The following FER1L5 variants were observed in gnomAD, a reference collection of about 807,000 sequenced individuals.
The protein encoded by FER1L5 is fer-1 like family member 5.
A neutral mutation model predicts 279.9 loss-of-function variants in FER1L5; 187 were observed. The observed-to-expected ratio is 0.67, with a 90% CI of 0.59 to 0.75. FER1L5 has a LOEUF of 0.75. Ranked by LOEUF, FER1L5 falls within the 30% of genes least tolerant of loss-of-function variation. The pLI is 0.00. For missense variants in FER1L5, 2,091 were observed against 2,594.4 expected (o/e 0.81, Z 4.21); for synonymous variants, 921 against 989.7 (o/e 0.93, Z 1.30).
intron 19 of FER1L5, 28 bp from the exon 20 acceptor site, chr2:96,684,299 C>T (rs1273770717): frequency 6.5e-7 from 1 of 1,546,078 alleles, no homozygotes; most frequent in Non-Finnish European, 8.8e-7. Context: ...CCAGACACCC[C>T]ATCCCTCCAT....
At position 96,689,284 on chromosome 2, in the gene FER1L5, T is replaced by C. The variant is rs923456064; in HGVS notation, c.2433T>C (p.Asp811=). The C allele has an allele frequency of 7.1e-6, 11 of 1,550,312 alleles. No individual in the cohort carries two copies. The African/African-American group carries it at 1.5e-4, about 21-fold the overall frequency. The change falls in exon 25 of 53, where the codon GAT becomes GAC. Residue 811 remains aspartate (D), a synonymous_variant. Coordinates refer to ENST00000624922, the MANE Select transcript of FER1L5 (RefSeq NM_001293083.2). This position sits in a 1 kb window ranked among gnomAD's most constrained non-coding sequence, Gnocchi z 4.6. ...QGLYHCPNFS[D]VMGNKTLPMT... is the part of the protein sequence containing the mutation. ...TGTATCACTGCCCCAACTTCTCGGA[T>C]GTCATGGGGAACAAGACCCTCCCCA...
At chr2:96,649,116 C>T (rs1187321990) in intron 4 of FER1L5, among the ~76,000 whole-genome samples, 5 of 152,232 alleles carry the variant, frequency 3.3e-5, no homozygotes, top group East Asian at 1.9e-4. Context: ...TTGTGGTCCA[C>T]GCTGGTGAAT....
intron 24 of FER1L5, 63 bp downstream of exon 24, chr2:96,688,010 CG>C: frequency 6.5e-7 from 1 of 1,537,604 alleles, no homozygotes; most frequent in African/African-American, 1.4e-5. Context: ...AGGGTGGCCT[CG>C]TAGGGAAGAG....
At chr2:96,670,016 G>T in intron 17 of FER1L5, 103 bp from the exon 18 acceptor site, 1 of 1,459,028 alleles carries the variant, frequency 6.9e-7, no homozygotes, top group Non-Finnish European at 9.3e-7. Context: ...CCCCGGGCAG[G>T]CAGTGACTGG....
chr2:96,647,181 C>A (rs765607780), intron 3 of FER1L5, 26 bp downstream of exon 3: 3 of 1,548,190 alleles, frequency 1.9e-6, no homozygotes, highest in Non-Finnish European at 1.7e-6. Flanking sequence ...GCAGGAGGAG[C>A]CTAGCTCCTG....
In FER1L5 at chr2:96,694,256, C is replaced by G. The variant is rs557990722; in HGVS notation, c.3637-104C>G. 2.3e-6 allele frequency: 3 copies of G among 1,312,504 alleles called. No homozygotes were observed. The East Asian group carries it at 7.6e-5, about 33-fold the overall frequency. The allele number at this position is 1,312,504 out of a possible 1,614,324, so 81.3% of individuals were successfully genotyped here. A position where few individuals can be genotyped will look rare whatever the true frequency, so the allele number is the denominator to read the frequency against. On this transcript the variant is annotated intron_variant, in intron 33 of 52. Transcript: ENST00000624922. This position sits in a 1 kb window ranked among gnomAD's most constrained non-coding sequence, Gnocchi z 4.6. ...CTAAGTCCCCCTGCCAGCCCCTACCCATGGGGCTCTGGGCTCGGTGAGGCC... is the reference window on the plus strand; with the variant it reads ...CTAAGTCCCCCTGCCAGCCCCTACCGATGGGGCTCTGGGCTCGGTGAGGCC...
rs2075786931 is a variant in FER1L5 at position 96,659,365 on chromosome 2, C to CCT, written c.748-976_748-975insCT. 1.5e-4 allele frequency among the ~76,000 whole-genome samples: 2 copies of CCT among 13,694 alleles called. 1 individual carries two copies. The highest frequency in any genetic ancestry group is 2.3e-4 in the Non-Finnish European group (2 of 8,776). 9.0% of individuals were successfully genotyped at this position (13,694 alleles called of 152,430 possible). On this transcript the variant is annotated intron_variant, in intron 9 of 52. Coordinates refer to ENST00000624922, the MANE Select transcript of FER1L5 (RefSeq NM_001293083.2). The stretch of plus-strand genomic sequence containing the variant: ...TCCTTCCTTCCTTCCTTCCTTCCTT[C>CCT]TTTCTTTCTTTCTTTCTTTCTTTCT...
intron 14 of FER1L5, among the ~76,000 whole-genome samples, chr2:96,667,388 C>T (rs905811200): frequency 3.4e-5 from 5 of 148,556 alleles, no homozygotes; most frequent in African/African-American, 1.2e-4. Flanking sequence ...GCTCTTGTTG[C>T]CTAGGCTGGA....
Position 96,689,549 on chromosome 2 carries a change from G to A in FER1L5, c.2526-95G>A. The A allele has an allele frequency of 7.0e-7, 1 of 1,424,640 alleles. No homozygotes were observed. The highest frequency in any genetic ancestry group is 2.0e-5 in the Admixed American group (1 of 50,778). 88.2% of individuals were successfully genotyped at this position (1,424,640 alleles called of 1,614,324 possible). On this transcript the variant is annotated intron_variant, in intron 25 of 52. Transcript: ENST00000624922. This position sits in a 1 kb window ranked among gnomAD's most constrained non-coding sequence, Gnocchi z 4.6. ...TGTCCTGCCCAGAGCAGGTGGGGAT[G>A]GGATGCCAGGTATGGGAACGCTTGG...
chr2:96,694,639 T>G lies in FER1L5; in HGVS notation c.3741+175T>G, dbSNP rs1441675814. 2 of 507,196 alleles carry G rather than the reference T, an allele frequency of 3.9e-6. No individual in the cohort carries two copies. Among genetic ancestry groups the G allele is most frequent in the East Asian group, 6.4e-5 (2 of 31,378 alleles). 31.4% of individuals were successfully genotyped at this position (507,196 alleles called of 1,614,324 possible). ...AAACGAAGAGGTTCTGGTGTAACAC[T>G]GGAAATCATTTTACCACAAACCTCT... On this transcript the variant is annotated intron_variant, in intron 34 of 52. Transcript: ENST00000624922. This position sits in a 1 kb window ranked among gnomAD's most constrained non-coding sequence, Gnocchi z 4.6.
At position 96,669,117 on chromosome 2, in the gene FER1L5, A is replaced by G; in HGVS notation, c.1342A>G (p.Arg448Gly). 1.3e-6 allele frequency: 2 copies of G among 1,551,590 alleles called. No individual in the cohort carries two copies. The highest frequency in any genetic ancestry group is 8.7e-7 in the Non-Finnish European group (1 of 1,146,970). Residue 448 changes from arginine to glycine, a missense_variant, in exon 17 of 53, where the codon AGG becomes GGG. By Grantham distance (125) the Arg-to-Gly change is moderately radical. Coordinates refer to ENST00000624922, the MANE Select transcript of FER1L5 (RefSeq NM_001293083.2). ...GCATGGGGGTAAAAAGGCCCCTTTC[A>G]GGATCCAGGAAGAAGGCGCTGTAAG... Reference protein sequence around the residue: ...TLHGGKKAPFRIQEEGACIPD... With the variant: ...TLHGGKKAPFGIQEEGACIPD...
rs369639142 is a variant in FER1L5, at chr2:96,693,488, TCTC to T, written c.3293-14_3293-12del. On this transcript the variant is annotated splice_polypyrimidine_tract_variant and intron_variant, in intron 31 of 52. Coordinates refer to ENST00000624922, the MANE Select transcript of FER1L5 (RefSeq NM_001293083.2). Reference sequence around the variant, plus strand: ...TTCCCAGCTCAAGACACTGCTACCTTCTCCTCTACCCCTCCAGGGCCCTTCATT... The same window carrying T: ...TTCCCAGCTCAAGACACTGCTACCTTCTCTACCCCTCCAGGGCCCTTCATT... 8 of 1,544,744 alleles carry T rather than the reference TCTC, an allele frequency of 5.2e-6. No homozygotes were observed. Among genetic ancestry groups the T allele is most frequent in the Middle Eastern group, 1.7e-4 (1 of 5,890 alleles).
chr2:96,650,100 C>G, intron 5 of FER1L5, 80 bp from the exon 6 acceptor site: 1 of 1,111,084 alleles, frequency 9.0e-7, no homozygotes, highest in South Asian at 1.4e-5. Context: ...TCACTGGGGA[C>G]AGAATGATGG....
Position 96,685,993 on chromosome 2 carries a change from A to G in FER1L5, c.1949A>G (p.Lys650Arg). 6.4e-7 allele frequency: 1 copy of G among 1,551,260 alleles called. No homozygotes were observed. The highest frequency in any genetic ancestry group is 1.2e-5 in the South Asian group (1 of 84,040). ...CCCAAAGCCACCAGCCTGGACAGGA[A>G]GAGGTGGCAGCTCCGCAGCCTCCTC... ...YQPKATSLDR[K>R]RWQLRSLLLQ... Residue 650 changes from lysine (K) to arginine (R), a missense_variant, in exon 22 of 53, where the codon AAG (lysine) becomes AGG (arginine). Lys to Arg is a conservative substitution (Grantham distance 26). Transcript: ENST00000624922.
At position 96,702,898 on chromosome 2, in the gene FER1L5, C is replaced by T. The variant is rs186368242; in HGVS notation, c.5398-80C>T. The T allele has an allele frequency of 3.0e-4, 458 of 1,538,062 alleles. 1 individual carries two copies. The African/African-American group carries it at 5.8e-3, about 20-fold the overall frequency. ...CCTCTTCCTTGATAGTCTATCACTG[C>T]TGGGTGGAGGGCCACTGAGGGGTGC... On this transcript the variant is annotated intron_variant, in intron 48 of 52. Transcript: ENST00000624922. The surrounding 1 kb of genome is among the most constrained non-coding windows in gnomAD (Gnocchi z 4.0).
intron 1 of FER1L5, among the ~76,000 whole-genome samples, chr2:96,645,836 A>G (rs534816675): frequency 1.3e-5 from 2 of 152,044 alleles, no homozygotes; most frequent in Non-Finnish European, 2.9e-5. Context: ...AGAGAAACAA[A>G]GAAAGAAAAT....
chr2:96,700,167 G>A (rs899730449), intron 44 of FER1L5, 87 bp downstream of exon 44: 3 of 1,568,574 alleles, frequency 1.9e-6, no homozygotes, highest in African/African-American at 2.7e-5. Context: ...GCAGACTTGG[G>A]GGAGAAAGGG....
Position 96,703,572 on chromosome 2 carries a change from T to C in FER1L5, c.5741T>C (p.Ile1914Thr). 6.2e-7 allele frequency: 1 copy of C among 1,613,936 alleles called. No individual in the cohort carries two copies. The highest frequency in any genetic ancestry group is 1.1e-5 in the South Asian group (1 of 91,086). Residue 1914 changes from isoleucine (I) to threonine (T), a missense_variant, in exon 51 of 53, where the codon ATC becomes ACC. Physicochemically the swap from Ile to Thr is moderately conservative, Grantham distance 89. Transcript: ENST00000624922. ...LEILSEKEALIKPAGRGQSEP... is the reference protein window; with the variant it reads ...LEILSEKEALTKPAGRGQSEP... Reference sequence around the variant, plus strand: ...ATTCTGTCAGAGAAGGAAGCCTTAATCAAGCCAGCCGGGCGAGGCCAGTCG... The same window carrying C: ...ATTCTGTCAGAGAAGGAAGCCTTAACCAAGCCAGCCGGGCGAGGCCAGTCG...
intron 19 of FER1L5, among the ~76,000 whole-genome samples, chr2:96,676,264 T>C (rs796548531): frequency 1.5e-4 from 23 of 152,252 alleles, no homozygotes; most frequent in African/African-American, 5.1e-4. Context: ...CTCCGCCTCC[T>C]GGGTTCAAGC....
Sources: allele counts gnomAD v4.1 joint callset (sites outside exome capture counted in the v4.1 genomes callset), GRCh38; gene constraint gnomAD v4.1.1; non-coding constraint Gnocchi (gnomAD v3.1); transcripts MANE v1.5; gene names NCBI Gene and HGNC (gene_info 2026-07-23, HGNC 2026-07-21).